The following DSCAM variants were observed in gnomAD, a reference collection of about 807,000 sequenced individuals.
DSCAM encodes cell adhesion molecule DSCAM.
A neutral mutation model predicts 217.7 loss-of-function variants in DSCAM; 47 were observed. The ratio of observed to expected loss-of-function variants is 0.22; its 90% CI spans 0.17 to 0.28. DSCAM has a LOEUF of 0.28. Ranked by LOEUF, DSCAM falls within the 10% of genes least tolerant of loss-of-function variation. DSCAM has a pLI of 1.00. For missense variants in DSCAM, 2,080 were observed against 2,618.3 expected, an observed-to-expected ratio of 0.79 and a Z score of 4.49; for synonymous variants, 1,056 against 1,015.3, an observed-to-expected ratio of 1.04 and a Z score of -0.76.
At chr21:40,578,932 A>G (rs933323369) in intron 3 of DSCAM, among the ~76,000 whole-genome samples, 5 of 152,226 alleles carry the variant, frequency 3.3e-5, no homozygotes, top group Non-Finnish European at 7.3e-5. Context: ...CCAGAAACAT[A>G]GTGTGGATGA....
intron 4 of DSCAM, among the ~76,000 whole-genome samples, chr21:40,366,614 A>T (rs1034023707): frequency 2.8e-4 from 43 of 152,148 alleles, no homozygotes; most frequent in South Asian, 8.3e-4. Flanking sequence ...TTTTTTAAAA[A>T]TTTTCATTCT....
At chr21:40,123,404 A>C (rs932633776) in intron 20 of DSCAM, among the ~76,000 whole-genome samples, 6 of 152,226 alleles carry the variant, frequency 3.9e-5, no homozygotes, top group Non-Finnish European at 7.3e-5. Flanking sequence ...GGAGATACAA[A>C]GATGGAAGAG....
chr21:40,302,108 T>C (rs1249506372), intron 9 of DSCAM, among the ~76,000 whole-genome samples: 1 of 152,220 alleles, frequency 6.6e-6, no homozygotes, highest in Non-Finnish European at 1.5e-5. Context: ...TTAGATTTCC[T>C]TTTATTAGTA....
intron 27 of DSCAM, among the ~76,000 whole-genome samples, chr21:40,067,962 C>T (rs530222508): frequency 5.3e-5 from 8 of 152,078 alleles, no homozygotes; most frequent in Middle Eastern, 3.4e-3. Context: ...CCTTGCATTG[C>T]CTGTCACATT....
chr21:40,448,938 T>C (rs1268265137), intron 3 of DSCAM, among the ~76,000 whole-genome samples: 1 of 152,218 alleles, frequency 6.6e-6, no homozygotes, highest in East Asian at 1.9e-4. Flanking sequence ...GAGTTGAACT[T>C]GAGTCTCACT....
At position 40,528,898 on chromosome 21, in the gene DSCAM, C is replaced by CTTTTTTTTTTTTTTTTTTTTTTTTTTTT. The variant is rs911356584; in HGVS notation, c.509-159654_509-159653insAAAAAAAAAAAAAAAAAAAAAAAAAAAA. ...TCTTTGGCAATGTCCAGGCTTTCCA[C>CTTTTTTTTTTTTTTTTTTTTTTTTTTTT]TTTTTTTTTTTTTTTTTTTTTTTGA... is the stretch of plus-strand genomic sequence containing the variant. On this transcript the variant is annotated intron_variant, in intron 3 of 32. Transcript: ENST00000400454. 9.1e-5 allele frequency among the ~76,000 whole-genome samples: 9 copies of CTTTTTTTTTTTTTTTTTTTTTTTTTTTT among 99,388 alleles called. 1 individual carries two copies. The highest frequency in any genetic ancestry group is 3.9e-4 in the African/African-American group (8 of 20,554). The allele number at this position is 99,388 out of a possible 152,430, so 65.2% of individuals were successfully genotyped here.
intron 8 of DSCAM, among the ~76,000 whole-genome samples, chr21:40,313,139 AAAAT>A (rs1407238332): frequency 1.4e-5 from 2 of 147,124 alleles, no homozygotes; most frequent in African/African-American, 2.5e-5. Context: ...AAAAAAAAGT[AAAAT>A]AAATATTCCA....
At chr21:40,068,930 A>G (rs1417288615) in intron 27 of DSCAM, among the ~76,000 whole-genome samples, 11 of 152,088 alleles carry the variant, frequency 7.2e-5, no homozygotes, top group Non-Finnish European at 1.6e-4. Flanking sequence ...TACTAAAAAT[A>G]CAAAATTAGC....
chr21:40,711,700 G>T (rs1299200032), intron 1 of DSCAM, among the ~76,000 whole-genome samples: 1 of 152,194 alleles, frequency 6.6e-6, no homozygotes, highest in African/African-American at 2.4e-5. Flanking sequence ...GGCCTGCAGG[G>T]AATGACTGGT....
At chr21:40,520,010 C>A (rs1206471474) in intron 3 of DSCAM, among the ~76,000 whole-genome samples, 1 of 152,094 alleles carries the variant, frequency 6.6e-6, no homozygotes, top group African/African-American at 2.4e-5. Flanking sequence ...TTTGTTGCCC[C>A]TGACTCTTAA....
chr21:40,215,634 T>C (rs988383564), intron 11 of DSCAM, among the ~76,000 whole-genome samples: 6 of 152,014 alleles, frequency 3.9e-5, no homozygotes, highest in African/African-American at 7.2e-5. Flanking sequence ...AGTGGTGTAA[T>C]GGACATTGGA....
chr21:40,350,699 A>T (rs938660039), intron 5 of DSCAM, among the ~76,000 whole-genome samples: 1 of 152,152 alleles, frequency 6.6e-6, no homozygotes, highest in East Asian at 1.9e-4. Flanking sequence ...AACTGAGATC[A>T]GTCAGAATGG....
intron 10 of DSCAM, among the ~76,000 whole-genome samples, chr21:40,278,206 G>T (rs1267341020): frequency 6.6e-6 from 1 of 152,152 alleles, no homozygotes; most frequent in East Asian, 1.9e-4. Flanking sequence ...AATTGTAAAA[G>T]TTGTTGAGAA....
intron 1 of DSCAM, among the ~76,000 whole-genome samples, chr21:40,790,166 G>GTT (rs1339726010): frequency 1.4e-5 from 2 of 147,958 alleles, no homozygotes; most frequent in Non-Finnish European, 3.0e-5. Flanking sequence ...GGATGCAAAC[G>GTT]TTTTTCTTTC....
At chr21:40,835,265 A>T (rs1467456326) in intron 1 of DSCAM, among the ~76,000 whole-genome samples, 2 of 152,200 alleles carry the variant, frequency 1.3e-5, no homozygotes, top group East Asian at 3.9e-4. Context: ...GAAAAGATTG[A>T]CCTACTCTAC....
chr21:40,694,457 G>A (rs892940150), intron 2 of DSCAM, among the ~76,000 whole-genome samples: 1 of 152,172 alleles, frequency 6.6e-6, no homozygotes, highest in Non-Finnish European at 1.5e-5. Context: ...CTTTAGAAGA[G>A]GACTGTTAAG....
chr21:40,503,897 C>T (rs2076189598), intron 3 of DSCAM, among the ~76,000 whole-genome samples: 1 of 152,208 alleles, frequency 6.6e-6, no homozygotes, highest in South Asian at 2.1e-4. Flanking sequence ...TTTACAGCCA[C>T]TGTGAATTGA....
chr21:40,386,927 C>G lies in DSCAM; in HGVS notation c.509-17682G>C, dbSNP rs988149050. The stretch of plus-strand genomic sequence containing the variant: ...CTAGGATTAAGTTTTGGTCATTTCT[C>G]TCATGAAATGTATGTCAGATTACAT... On this transcript the variant is annotated intron_variant, in intron 3 of 32. Coordinates refer to ENST00000400454, the MANE Select transcript of DSCAM (RefSeq NM_001389.5). 1.1e-3 allele frequency among the ~76,000 whole-genome samples: 164 copies of G among 152,146 alleles called. 1 individual carries two copies. The highest frequency in any genetic ancestry group is 3.8e-3 in the African/African-American group (156 of 41,502).
At chr21:40,504,762 G>A (rs775944611) in intron 3 of DSCAM, among the ~76,000 whole-genome samples, 2 of 152,110 alleles carry the variant, frequency 1.3e-5, no homozygotes, top group Non-Finnish European at 2.9e-5. Context: ...ATCTCTGGGG[G>A]TGAAACTGCA....
Sources: allele counts gnomAD v4.1 joint callset (sites outside exome capture counted in the v4.1 genomes callset), GRCh38; gene constraint gnomAD v4.1.1; transcripts MANE v1.5; gene names NCBI Gene and HGNC (gene_info 2026-07-23, HGNC 2026-07-21).